Variants in LMBR1 observed in about 807,000 individuals in gnomAD.
The protein encoded by LMBR1 is limb region 1 protein homolog.
A neutral mutation model predicts 73.9 loss-of-function variants in LMBR1; 52 were observed. The observed-to-expected ratio is 0.70, with a 90% CI of 0.56 to 0.89. The LOEUF (loss-of-function observed/expected upper bound fraction) is 0.89. Among genes scored for constraint, LMBR1 ranks in the 40% least tolerant of loss-of-function variants. The pLI is 0.00. For synonymous variants in LMBR1, 215 were observed against 209.4 expected, an observed-to-expected ratio of 1.03 and a Z score of -0.23; for missense variants, 539 against 579.8, an observed-to-expected ratio of 0.93 and a Z score of 0.72.
chr7:156,814,766 T>A (rs1431544648), intron 4 of LMBR1, among the ~76,000 whole-genome samples: 1 of 152,228 alleles, frequency 6.6e-6, no homozygotes, highest in African/African-American at 2.4e-5. Context: ...CAATAGGCTA[T>A]AATTCACAGG....
chr7:156,759,611 T>A (rs977397394), intron 8 of LMBR1, among the ~76,000 whole-genome samples: 7 of 152,256 alleles, frequency 4.6e-5, no homozygotes, highest in African/African-American at 1.7e-4. Context: ...ATAATCTTTA[T>A]TACTGAATGT....
intron 1 of LMBR1, among the ~76,000 whole-genome samples, chr7:156,844,475 G>C (rs941133937): frequency 6.6e-6 from 1 of 152,292 alleles, no homozygotes; most frequent in East Asian, 1.9e-4. Context: ...TCCAGAGACA[G>C]AGTCAGAGGG....
At chr7:156,693,214 G>GCATGAAATATTTGGTTA (rs1391374363) in intron 15 of LMBR1, among the ~76,000 whole-genome samples, 3 of 152,022 alleles carry the variant, frequency 2.0e-5, no homozygotes, top group African/African-American at 7.2e-5. Context: ...TTTCAAATAT[G>GCATGAAATATTTGGTTA]ATGAAAATTA....
At chr7:156,842,729 G>A (rs1431433334) in intron 1 of LMBR1, among the ~76,000 whole-genome samples, 1 of 152,136 alleles carries the variant, frequency 6.6e-6, no homozygotes, top group East Asian at 1.9e-4. Flanking sequence ...AAGAGTCAAG[G>A]TAAGATTAAA....
chr7:156,885,969 G>C (rs941184841), intron 1 of LMBR1, among the ~76,000 whole-genome samples: 1 of 151,598 alleles, frequency 6.6e-6, no homozygotes, highest in African/African-American at 2.4e-5. Flanking sequence ...GAACCCAGGA[G>C]GTAGAGGTTG....
chr7:156,719,124 C>A (rs879464425), intron 15 of LMBR1, among the ~76,000 whole-genome samples: 1 of 91,984 alleles, frequency 1.1e-5, no homozygotes, highest in African/African-American at 4.0e-5. Context: ...CTAATGCTAT[C>A]CCCCCCCTCC....
At chr7:156,691,005 A>C (rs1296690835) in intron 15 of LMBR1, among the ~76,000 whole-genome samples, 2 of 152,236 alleles carry the variant, frequency 1.3e-5, no homozygotes, top group African/African-American at 4.8e-5. Flanking sequence ...TTTAATAGCA[A>C]TCATTTGACA....
At chr7:156,713,996 T>A (rs1248729996) in intron 15 of LMBR1, among the ~76,000 whole-genome samples, 1 of 152,230 alleles carries the variant, frequency 6.6e-6, no homozygotes, top group East Asian at 1.9e-4. Context: ...ACAAAGTAAG[T>A]ATGTAAGACA....
chr7:156,858,745 C>T (rs1469627786), intron 1 of LMBR1, among the ~76,000 whole-genome samples: 1 of 152,024 alleles, frequency 6.6e-6, no homozygotes, highest in Non-Finnish European at 1.5e-5. Context: ...GTTATGCAAA[C>T]CTGATTCAAC....
intron 16 of LMBR1, among the ~76,000 whole-genome samples, chr7:156,684,926 C>T (rs890046844): frequency 6.6e-6 from 1 of 152,240 alleles, no homozygotes; most frequent in South Asian, 2.1e-4. Flanking sequence ...CACTGCACTC[C>T]AGCCTGGGTG....
intron 1 of LMBR1, among the ~76,000 whole-genome samples, chr7:156,837,785 GCTT>G (rs1837925439): frequency 7.7e-6 from 1 of 130,074 alleles, no homozygotes; most frequent in Non-Finnish European, 1.6e-5. Context: ...TTTTAATTTT[GCTT>G]TTTTTTTTTT....
At chr7:156,891,845 A>G (rs1477031077) in intron 1 of LMBR1, among the ~76,000 whole-genome samples, 3 of 152,234 alleles carry the variant, frequency 2.0e-5, no homozygotes, top group African/African-American at 4.8e-5. Context: ...CTCAGACTTT[A>G]TATGTCCTCT....
intron 4 of LMBR1, among the ~76,000 whole-genome samples, chr7:156,799,914 T>C (rs1412987101): frequency 2.0e-5 from 3 of 152,222 alleles, no homozygotes; most frequent in Non-Finnish European, 4.4e-5. Flanking sequence ...AGCCACAACA[T>C]TCCCTAAAGC....
chr7:156,885,128 G>A (rs1563625513), intron 1 of LMBR1, among the ~76,000 whole-genome samples: 2 of 151,888 alleles, frequency 1.3e-5, no homozygotes, highest in African/African-American at 2.4e-5. Flanking sequence ...AGGCAGGGGC[G>A]GATCACCTGA....
intron 4 of LMBR1, among the ~76,000 whole-genome samples, chr7:156,817,269 A>G (rs1834060789): frequency 6.6e-6 from 1 of 152,188 alleles, no homozygotes; most frequent in African/African-American, 2.4e-5. Flanking sequence ...TTTAAATTAA[A>G]AAATTAATCA....
chr7:156,823,011 C>G (rs1188589745), intron 4 of LMBR1: 1 of 152,258 alleles, frequency 6.6e-6, no homozygotes, highest in African/African-American at 2.4e-5. Flanking sequence ...CCTCAGGAAG[C>G]TGAGGCAGGA....
intron 1 of LMBR1, among the ~76,000 whole-genome samples, chr7:156,863,987 T>C (rs1237251730): frequency 6.6e-6 from 1 of 151,648 alleles, no homozygotes; most frequent in African/African-American, 2.4e-5. Context: ...TCATCTCTAC[T>C]AAAAATACAA....
At position 156,728,724 on chromosome 7, in the gene LMBR1, TTAA is replaced by T; in HGVS notation, c.839-7_839-5del. 1 of 1,589,278 alleles carries T rather than the reference TTAA, an allele frequency of 6.3e-7. No homozygotes were observed. Among genetic ancestry groups the T allele is most frequent in the Non-Finnish European group, 8.5e-7 (1 of 1,170,558 alleles). The stretch of plus-strand genomic sequence containing the variant: ...GCTGAAGCCTTTTTTCGCCTCTCTA[TTAA>T]AAGGAAAAACAAAATAAAACAAAGT... On this transcript the variant is annotated splice_polypyrimidine_tract_variant and splice_region_variant and intron_variant, in intron 10 of 16. Transcript: ENST00000353442.
At chr7:156,730,644 T>C (rs1010563363) in intron 10 of LMBR1, among the ~76,000 whole-genome samples, 1 of 152,080 alleles carries the variant, frequency 6.6e-6, no homozygotes, top group Non-Finnish European at 1.5e-5. Flanking sequence ...CATTACCAGA[T>C]ATGGGAAAAA....
Sources: allele counts gnomAD v4.1 joint callset (sites outside exome capture counted in the v4.1 genomes callset), GRCh38; gene constraint gnomAD v4.1.1; transcripts MANE v1.5; gene names NCBI Gene and HGNC (gene_info 2026-07-23, HGNC 2026-07-21).